Variants in IL16 observed in about 807,000 individuals in gnomAD.
The protein encoded by IL16 is interleukin 16.
Under a neutral mutation model 110.1 loss-of-function variants are expected in IL16, and 67 were observed. The ratio of observed to expected loss-of-function variants is 0.61; its 90% CI spans 0.50 to 0.75. The LOEUF (loss-of-function observed/expected upper bound fraction) is 0.75, where lower values mean the gene tolerates loss of function less well. Ranked by LOEUF, IL16 falls within the 30% of genes least tolerant of loss-of-function variation. The pLI is 0.00. For synonymous variants in IL16, 689 were observed against 662.9 expected (o/e 1.04, Z -0.61); for missense variants, 1,545 against 1,655.0 (o/e 0.93, Z 1.15).
intron 4 of IL16, among the ~76,000 whole-genome samples, chr15:81,268,331 A>ACC (rs869246652): frequency 3.9e-5 from 6 of 152,180 alleles, no homozygotes; most frequent in Non-Finnish European, 5.9e-5. Flanking sequence ...GATGTGTTTT[A>ACC]CAAACAGCTA....
At chr15:81,294,045 C>A (rs147485161) in intron 12 of IL16, among the ~76,000 whole-genome samples, 1 of 152,372 alleles carries the variant, frequency 6.6e-6, no homozygotes, top group East Asian at 1.9e-4. Flanking sequence ...GGCCCTGGCC[C>A]TTCCCTTAAG....
rs1895618035 is a variant in IL16 at position 81,197,010 on chromosome 15, A to T, written c.-244A>T. Reference sequence around the variant, plus strand: ...CTGAGAACTGAGCGTCCATTTCTCAATCCTTGCCGGCTCTGACCCAGGCCT... The same window carrying T: ...CTGAGAACTGAGCGTCCATTTCTCATTCCTTGCCGGCTCTGACCCAGGCCT... On this transcript the variant is annotated 5_prime_UTR_variant, in exon 1 of 19. Transcript: ENST00000683961. The T allele has an allele frequency of 2.3e-6, 3 of 1,286,408 alleles. No homozygotes were observed. In the Admixed American group the frequency reaches 7.0e-5, roughly 30 times the overall value. The allele number at this position is 1,286,408 out of a possible 1,614,324, so 79.7% of individuals were successfully genotyped here. A position where few individuals can be genotyped will look rare whatever the true frequency, so the allele number is the denominator to read the frequency against.
At chr15:81,296,771 A>G (rs933930931) in intron 12 of IL16, 157 bp from the exon 13 acceptor site, 6 of 659,428 alleles carry the variant, frequency 9.1e-6, no homozygotes, top group Admixed American at 6.2e-5. Context: ...CCACGTCAGC[A>G]CCAAGGAGAA....
intron 18 of IL16, among the ~76,000 whole-genome samples, chr15:81,307,019 C>A (rs1238765798): frequency 6.6e-6 from 1 of 152,192 alleles, no homozygotes; most frequent in Non-Finnish European, 1.5e-5. Flanking sequence ...TTACCCTAGT[C>A]CTGGACACGT....
upstream of IL16, among the ~76,000 whole-genome samples, chr15:81,195,046 C>G (rs534811616): frequency 6.6e-6 from 1 of 152,024 alleles, no homozygotes; most frequent in Non-Finnish European, 1.5e-5. Flanking sequence ...TCCTGAAGGG[C>G]AGAGGGGTGA....
At chr15:81,198,075 C>A (rs1030502456) in intron 1 of IL16, among the ~76,000 whole-genome samples, 1 of 152,134 alleles carries the variant, frequency 6.6e-6, no homozygotes, top group Non-Finnish European at 1.5e-5. Context: ...TCAACATTTA[C>A]GAGCACAGTA....
intron 14 of IL16, 101 bp from the exon 15 acceptor site, chr15:81,301,243 T>C: frequency 1.0e-6 from 1 of 989,138 alleles, no homozygotes; most frequent in Non-Finnish European, 1.5e-6. Flanking sequence ...AATATGCACA[T>C]AAGTGCTTGG....
At chr15:81,292,427 C>T (rs1477513217) in intron 11 of IL16, 129 bp from the exon 12 acceptor site, 2 of 1,352,710 alleles carry the variant, frequency 1.5e-6, no homozygotes. Flanking sequence ...TCCAGATCCA[C>T]AGTGACTTCA....
At chr15:81,250,482 C>A (rs1897730711) in intron 2 of IL16, among the ~76,000 whole-genome samples, 1 of 152,102 alleles carries the variant, frequency 6.6e-6, no homozygotes, top group South Asian at 2.1e-4. Flanking sequence ...TGACCTAGGA[C>A]CTTGTTTCAA....
At chr15:81,182,954 T>C in intron 1 of IL16, 1 of 1,123,140 alleles carries the variant, frequency 8.9e-7, no homozygotes, top group South Asian at 1.3e-5. Context: ...AATGGAGGGG[T>C]GGACCCTTCC....
intron 16 of IL16, among the ~76,000 whole-genome samples, chr15:81,304,709 T>C (rs1331126931): frequency 6.6e-6 from 1 of 152,170 alleles, no homozygotes; most frequent in African/African-American, 2.4e-5. Context: ...TTAATCTTCG[T>C]TGGCCTAAAA....
intron 2 of IL16, among the ~76,000 whole-genome samples, chr15:81,248,908 T>C (rs1897669029): frequency 1.3e-5 from 2 of 151,162 alleles, no homozygotes; most frequent in South Asian, 2.1e-4. Context: ...TTTAGTAGAG[T>C]TGGGGTTTTG....
At chr15:81,233,525 ATAGT>A (rs1897083485) in intron 2 of IL16, among the ~76,000 whole-genome samples, 1 of 151,050 alleles carries the variant, frequency 6.6e-6, no homozygotes, top group African/African-American at 2.4e-5. Context: ...TAATTGTTCC[ATAGT>A]TAAAGAAGAG....
intron 2 of IL16, among the ~76,000 whole-genome samples, chr15:81,244,998 T>G (rs1411964737): frequency 2.0e-5 from 3 of 152,240 alleles, no homozygotes; most frequent in Admixed American, 1.3e-4. Flanking sequence ...TGATAAGGTT[T>G]CCACTTGATT....
At position 81,306,452 on chromosome 15, in the gene IL16, GAGA is replaced by G. The variant is rs768728214; in HGVS notation, c.3716_3718del (p.Lys1239del). On this transcript the variant is annotated inframe_deletion, in exon 18 of 19. Transcript: ENST00000683961. ...GGCCACAGTCTGCACGGTGACACTG[GAGA>G]AGATGTCGGCAGGGCTGGGCTTCAG... The G allele has an allele frequency of 1.3e-4, 210 of 1,613,674 alleles. No individual in the cohort carries two copies. Among genetic ancestry groups the G allele is most frequent in the Non-Finnish European group, 1.7e-4 (196 of 1,179,954 alleles).
At chr15:81,223,420 G>A (rs1896684841) in intron 1 of IL16, among the ~76,000 whole-genome samples, 1 of 152,232 alleles carries the variant, frequency 6.6e-6, no homozygotes, top group Non-Finnish European at 1.5e-5. Context: ...ATCCAGCACA[G>A]AGGAAGAGAC....
chr15:81,284,311 G>T (rs191342840), intron 9 of IL16, among the ~76,000 whole-genome samples: 1 of 152,142 alleles, frequency 6.6e-6, no homozygotes, highest in Non-Finnish European at 1.5e-5. Context: ...TCCTACAATT[G>T]CAGTGTATGG....
chr15:81,300,313 C>T lies in IL16; in HGVS notation c.2987C>T (p.Ser996Leu), dbSNP rs144988545. 1.3e-4 allele frequency: 215 copies of T among 1,614,074 alleles called. No individual in the cohort carries two copies. Among genetic ancestry groups the T allele is most frequent in the Non-Finnish European group, 1.7e-4 (203 of 1,180,038 alleles). Residue 996 changes from serine (S) to leucine (L), a missense_variant, in exon 14 of 19, where the codon TCG becomes TTG. By Grantham distance (145) the Ser-to-Leu change is moderately radical. Coordinates refer to ENST00000683961, the MANE Select transcript of IL16 (RefSeq NM_172217.5). ...KLYSISSQVS[S>L]AVMKSLLCLP... ...TATTCTATCAGCAGCCAAGTGTCAT[C>T]GGCTGTCATGAAATCCTTGCTGTGC...
intron 2 of IL16, among the ~76,000 whole-genome samples, chr15:81,250,990 A>T (rs1897749225): frequency 6.6e-6 from 1 of 152,182 alleles, no homozygotes; most frequent in Admixed American, 6.5e-5. Flanking sequence ...TGAAAGACAA[A>T]GTTCAAGTTC....
Sources: allele counts gnomAD v4.1 joint callset (sites outside exome capture counted in the v4.1 genomes callset), GRCh38; gene constraint gnomAD v4.1.1; transcripts MANE v1.5; gene names NCBI Gene and HGNC (gene_info 2026-07-23, HGNC 2026-07-21).